The following STXBP3 variants were observed in gnomAD, a reference collection of about 807,000 sequenced individuals.
STXBP3 encodes syntaxin-binding protein 3.
In STXBP3, 41 loss-of-function variants were observed where a neutral mutation model predicts 85.7. The ratio of observed to expected loss-of-function variants is 0.48; its 90% CI spans 0.37 to 0.62. The LOEUF (loss-of-function observed/expected upper bound fraction) is 0.62. STXBP3 is among the 20% of genes least tolerant of loss of function. STXBP3 has a pLI of 0.00. For synonymous variants in STXBP3, 229 were observed against 231.7 expected, an observed-to-expected ratio of 0.99 and a Z score of 0.10; for missense variants, 563 against 703.1, an observed-to-expected ratio of 0.80 and a Z score of 2.25.
At chr1:108,777,013 A>G (rs1413670573) in intron 8 of STXBP3, among the ~76,000 whole-genome samples, 3 of 152,186 alleles carry the variant, frequency 2.0e-5, no homozygotes, top group Admixed American at 1.3e-4. Context: ...TGGAAATAAT[A>G]TAATCAAAGA....
intron 7 of STXBP3, among the ~76,000 whole-genome samples, chr1:108,773,829 AGGAAT>A (rs1662525923): frequency 1.3e-5 from 2 of 152,306 alleles, no homozygotes; most frequent in Admixed American, 1.3e-4. Context: ...GGCCTCAGCC[AGGAAT>A]CTTTTTTTTT....
chr1:108,792,761 C>T (rs1663004318), intron 11 of STXBP3, among the ~76,000 whole-genome samples: 1 of 152,144 alleles, frequency 6.6e-6, no homozygotes, highest in African/African-American at 2.4e-5. Context: ...GAGTTTTGTT[C>T]TGGCAGGCAG....
At position 108,794,784 on chromosome 1, in the gene STXBP3, G is replaced by A. The variant is rs535412554; in HGVS notation, c.1030-43G>A. ...GTTTAATATTACCAGTTGCACAAAA[G>A]TCATTAAAATCCTTTAAATGATTGA... On this transcript the variant is annotated intron_variant, in intron 12 of 18. Transcript: ENST00000370008. 3.1e-5 allele frequency: 48 copies of A among 1,553,290 alleles called. 1 individual carries two copies. The South Asian group carries it at 5.3e-4, about 17-fold the overall frequency.
chr1:108,787,114 T>A (rs879811850), intron 11 of STXBP3, among the ~76,000 whole-genome samples: 5 of 152,172 alleles, frequency 3.3e-5, no homozygotes, highest in Non-Finnish European at 7.3e-5. Flanking sequence ...CTTGCTAAAT[T>A]TATTTTTTAA....
chr1:108,769,350 G>GA (rs968984545), intron 6 of STXBP3, among the ~76,000 whole-genome samples: 3 of 152,020 alleles, frequency 2.0e-5, no homozygotes, highest in African/African-American at 7.2e-5. Flanking sequence ...AACTTTTATT[G>GA]AAAAAAATCT....
chr1:108,796,160 G>A, intron 13 of STXBP3, 74 bp from the exon 14 acceptor site: 2 of 1,521,636 alleles, frequency 1.3e-6, no homozygotes, highest in Non-Finnish European at 1.8e-6. Flanking sequence ...ACTGTACCCA[G>A]CCAATAATAG....
chr1:108,751,205 A>G (rs1423621953), intron 1 of STXBP3, among the ~76,000 whole-genome samples: 9 of 152,134 alleles, frequency 5.9e-5, no homozygotes, highest in Admixed American at 4.6e-4. Flanking sequence ...CCAGCCCTCA[A>G]TCTAAAGCTG....
At chr1:108,794,476 C>T (rs2101131771) in intron 12 of STXBP3, among the ~76,000 whole-genome samples, 1 of 152,308 alleles carries the variant, frequency 6.6e-6, no homozygotes, top group East Asian at 1.9e-4. Flanking sequence ...ACATGCCAGA[C>T]ACTTGTAAAA....
intron 3 of STXBP3, among the ~76,000 whole-genome samples, chr1:108,756,104 C>T (rs1662012112): frequency 6.6e-6 from 1 of 152,134 alleles, no homozygotes; most frequent in South Asian, 2.1e-4. Flanking sequence ...TTTATATTCA[C>T]TTTGCTTTAG....
intron 8 of STXBP3, among the ~76,000 whole-genome samples, chr1:108,777,064 G>T (rs1247753029): frequency 6.6e-6 from 1 of 152,152 alleles, no homozygotes; most frequent in Non-Finnish European, 1.5e-5. Flanking sequence ...TTACATGTGG[G>T]TGAGAGAATG....
chr1:108,768,231 T>G (rs1163114890), intron 6 of STXBP3, among the ~76,000 whole-genome samples: 1 of 152,206 alleles, frequency 6.6e-6, no homozygotes, highest in Admixed American at 6.5e-5. Flanking sequence ...ATACAAGGAA[T>G]GTATCCATCA....
chr1:108,808,811 G>A lies in STXBP3; in HGVS notation c.1713G>A (p.Lys571=), dbSNP rs1663396656. Reference sequence around the variant, plus strand: ...CTACACATGTTTTAACACCCAAAAAGCTGTTGGATGATATAAAGATGCTGA... The same window carrying A: ...CTACACATGTTTTAACACCCAAAAAACTGTTGGATGATATAAAGATGCTGA... ...IGSTHVLTPK[K]LLDDIKMLNK... Residue 571 remains lysine, a synonymous_variant, in exon 19 of 19, where the codon AAG becomes AAA. Coordinates refer to ENST00000370008, the MANE Select transcript of STXBP3 (RefSeq NM_007269.4). The A allele has an allele frequency of 6.2e-7, 1 of 1,613,012 alleles. No individual in the cohort carries two copies. Among genetic ancestry groups the A allele is most frequent in the Non-Finnish European group, 8.5e-7 (1 of 1,179,664 alleles).
At chr1:108,758,415 T>C in intron 4 of STXBP3, 95 bp from the exon 5 acceptor site, 1 of 610,466 alleles carries the variant, frequency 1.6e-6, no homozygotes, top group African/African-American at 1.9e-5. Context: ...AGTTTTATTT[T>C]GTCACTGAAA....
chr1:108,756,674 C>T lies in STXBP3; in HGVS notation c.182-16C>T. The T allele has an allele frequency of 6.7e-7, 1 of 1,493,862 alleles. No individual in the cohort carries two copies. The highest frequency in any genetic ancestry group is 9.0e-7 in the Non-Finnish European group (1 of 1,112,158). The allele number at this position is 1,493,862 out of a possible 1,614,324, so 92.5% of individuals were successfully genotyped here. ...ATAAATATTTGGTTATATAAAATGACCTTTTTTCTTGTTAGTTGTAGAGAA... is the reference window on the plus strand; with the variant it reads ...ATAAATATTTGGTTATATAAAATGATCTTTTTTCTTGTTAGTTGTAGAGAA... On this transcript the variant is annotated splice_polypyrimidine_tract_variant and intron_variant, in intron 3 of 18. Coordinates refer to ENST00000370008, the MANE Select transcript of STXBP3 (RefSeq NM_007269.4).
intron 5 of STXBP3, 60 bp downstream of exon 5, chr1:108,758,648 G>C: frequency 1.0e-6 from 1 of 1,003,006 alleles, no homozygotes; most frequent in Non-Finnish European, 1.4e-6. Context: ...TTAAACTGTC[G>C]ACTTTTTAAA....
At chr1:108,769,307 G>A (rs1415195302) in intron 6 of STXBP3, among the ~76,000 whole-genome samples, 1 of 151,924 alleles carries the variant, frequency 6.6e-6, no homozygotes, top group Non-Finnish European at 1.5e-5. Context: ...CAGAGGCAGA[G>A]GAGGTGGCAG....
intron 13 of STXBP3, among the ~76,000 whole-genome samples, chr1:108,795,601 C>T (rs1297773448): frequency 6.6e-6 from 1 of 152,012 alleles, no homozygotes; most frequent in Admixed American, 6.6e-5. Context: ...CATTGTATTA[C>T]TTCAAGTCTC....
intron 6 of STXBP3, among the ~76,000 whole-genome samples, chr1:108,769,094 T>TG (rs1662327372): frequency 1.4e-5 from 1 of 71,172 alleles, no homozygotes; most frequent in African/African-American, 5.4e-5. Flanking sequence ...GAATAACACA[T>TG]ATTTTAATAT....
intron 11 of STXBP3, among the ~76,000 whole-genome samples, chr1:108,792,420 A>G (rs1662995594): frequency 6.6e-6 from 1 of 152,174 alleles, no homozygotes; most frequent in Admixed American, 6.5e-5. Flanking sequence ...TGAGGCATGT[A>G]ATATGTTTAT....
Sources: gnomAD v4.1 joint callset for allele counts (sites outside exome capture counted in the v4.1 genomes callset) on GRCh38, gnomAD v4.1.1 for gene constraint, MANE v1.5 for transcripts, NCBI Gene and HGNC (gene_info 2026-07-23, HGNC 2026-07-21) for gene names.